The following SIM2 variants were observed in gnomAD, a reference collection of about 807,000 sequenced individuals.
SIM2 encodes single-minded homolog 2.
Under a neutral mutation model 64.8 loss-of-function variants are expected in SIM2, and 28 were observed. The ratio of observed to expected loss-of-function variants is 0.43; its 90% CI spans 0.32 to 0.59. The LOEUF (loss-of-function observed/expected upper bound fraction) is 0.59. Among genes scored for constraint, SIM2 ranks in the 20% least tolerant of loss-of-function variants. The pLI, the probability that SIM2 is intolerant of heterozygous loss-of-function variation, is 0.07. For synonymous variants in SIM2, 408 were observed against 391.1 expected (o/e 1.04, Z -0.51); for missense variants, 847 against 871.4 (o/e 0.97, Z 0.35).
chr21:36,744,450 GAGAAAGAAGGAAAAAGAGAA>G (rs933524819), intron 9 of SIM2, among the ~76,000 whole-genome samples: 8 of 141,948 alleles, frequency 5.6e-5, no homozygotes, highest in Non-Finnish European at 9.2e-5. Flanking sequence ...AAGAAAGAAA[GAGAAAGAAGGAAAAAGAGAA>G]AGAAAGAAAG....
rs1350052334 is a variant in SIM2, at chr21:36,745,833, C to T, written c.1576+697C>T. On this transcript the variant is annotated intron_variant, in intron 10 of 10. Transcript: ENST00000290399. The surrounding 1 kb of genome is among the most constrained non-coding windows in gnomAD (Gnocchi z 4.8). ...CTCTGCGGAGATACCGCCAGCTCCC[C>T]AGGACGCAGACTGACTCCTGTTTGC... is the stretch of plus-strand genomic sequence containing the variant. 3.1e-6 allele frequency: 4 copies of T among 1,304,040 alleles called. No homozygotes were observed. The highest frequency in any genetic ancestry group is 4.0e-6 in the Non-Finnish European group (4 of 988,804). The allele number at this position is 1,304,040 out of a possible 1,614,324, so 80.8% of individuals were successfully genotyped here.
In SIM2 at chr21:36,745,197, G is replaced by A; in HGVS notation, c.1576+61G>A. ...CTGCGCACGGCCGGGAGCCGAAGCAGCCATGGCGGTGGGTGGCAGATGGAG... is the reference window on the plus strand; with the variant it reads ...CTGCGCACGGCCGGGAGCCGAAGCAACCATGGCGGTGGGTGGCAGATGGAG... On this transcript the variant is annotated intron_variant, in intron 10 of 10. Transcript: ENST00000290399. The surrounding 1 kb of genome is among the most constrained non-coding windows in gnomAD (Gnocchi z 4.8). The A allele has an allele frequency of 1.9e-6, 3 of 1,543,452 alleles. No individual in the cohort carries two copies. Among genetic ancestry groups the A allele is most frequent in the East Asian group, 4.8e-5 (2 of 41,832 alleles).
At chr21:36,732,998 C>T (rs1269236144) in intron 7 of SIM2, among the ~76,000 whole-genome samples, 1 of 152,108 alleles carries the variant, frequency 6.6e-6, no homozygotes, top group African/African-American at 2.4e-5. Flanking sequence ...GGGCTCATAC[C>T]TCCACACGCT....
chr21:36,710,293 G>C lies in SIM2; in HGVS notation c.258+1043G>C, dbSNP rs562828575. ...CGGGCTCTTGCTTGGTTTGGAGCCA[G>C]GTGCTTAGCGCCCCGAGCCCGGGGC... On this transcript the variant is annotated intron_variant, in intron 2 of 10. Transcript: ENST00000290399. The C allele has an allele frequency of 2.6e-5, 4 of 152,356 alleles. No individual in the cohort carries two copies. In the South Asian group the frequency reaches 8.3e-4, roughly 32 times the overall value. 9.4% of individuals were successfully genotyped at this position (152,356 alleles called of 1,614,324 possible). A position where few individuals can be genotyped will look rare whatever the true frequency, so the allele number is the denominator to read the frequency against.
intron 9 of SIM2, 116 bp downstream of exon 9, chr21:36,743,671 T>C: frequency 9.8e-7 from 1 of 1,018,400 alleles, no homozygotes; most frequent in Non-Finnish European, 1.4e-6. Flanking sequence ...CTCCCTGCCG[T>C]GGAGCAAGGT....
chr21:36,702,823 T>G (rs950619032), intron 1 of SIM2, among the ~76,000 whole-genome samples: 3 of 151,426 alleles, frequency 2.0e-5, no homozygotes, highest in Non-Finnish European at 4.4e-5. Context: ...CGCCTCGGGC[T>G]CTCAGCTGCA....
intron 3 of SIM2, among the ~76,000 whole-genome samples, chr21:36,713,946 C>T (rs948494802): frequency 2.0e-5 from 3 of 152,222 alleles, no homozygotes; most frequent in Admixed American, 6.5e-5. Context: ...TTTACTAAGG[C>T]TTGGCACTTG....
Position 36,745,097 on chromosome 21 carries a change from G to A in SIM2, c.1537G>A (p.Ala513Thr), listed in dbSNP as rs776261523. Reference protein sequence around the residue: ...SPAKNPPEPPANTARHSLVPS... With the variant: ...SPAKNPPEPPTNTARHSLVPS... ...AGCTAAAAATCCTCCAGAGCCACCGGCGAACACTGCTAGGCACAGCCTGGT... is the reference window on the plus strand; with the variant it reads ...AGCTAAAAATCCTCCAGAGCCACCGACGAACACTGCTAGGCACAGCCTGGT... Residue 513 changes from alanine (A) to threonine (T), a missense_variant, in exon 10 of 11, where the codon GCG becomes ACG. Transcript: ENST00000290399. The surrounding 1 kb of genome is among the most constrained non-coding windows in gnomAD (Gnocchi z 4.8). 6.2e-7 allele frequency: 1 copy of A among 1,612,676 alleles called. No homozygotes were observed. The highest frequency in any genetic ancestry group is 1.1e-5 in the South Asian group (1 of 90,906).
intron 1 of SIM2, among the ~76,000 whole-genome samples, chr21:36,700,481 GCTTT>G (rs928997511): frequency 2.4e-4 from 37 of 151,086 alleles, no homozygotes; most frequent in African/African-American, 7.3e-4. Flanking sequence ...CTCTGGTTTT[GCTTT>G]CTTTCTTTCC....
chr21:36,709,685 G>C (rs1273010130), intron 2 of SIM2: 1 of 345,742 alleles, frequency 2.9e-6, no homozygotes, highest in African/African-American at 2.2e-5. Context: ...GCGCAAGGAC[G>C]GAGAGACAGC....
intron 7 of SIM2, among the ~76,000 whole-genome samples, chr21:36,738,965 C>T (rs565410336): frequency 2.6e-5 from 4 of 152,326 alleles, no homozygotes; most frequent in African/African-American, 9.6e-5. Flanking sequence ...GCCTCATGTC[C>T]CCAGGTTCAT....
intron 9 of SIM2, among the ~76,000 whole-genome samples, chr21:36,743,822 G>A (rs1461586593): frequency 1.3e-5 from 2 of 152,204 alleles, no homozygotes; most frequent in East Asian, 3.8e-4. Context: ...GATTCTAATG[G>A]GCTTGACGGG....
chr21:36,728,146 C>T (rs2088917499), intron 6 of SIM2, among the ~76,000 whole-genome samples: 1 of 152,228 alleles, frequency 6.6e-6, no homozygotes, highest in Non-Finnish European at 1.5e-5. Flanking sequence ...CCTCTGCTCC[C>T]TCTTTTCTGA....
intron 7 of SIM2, among the ~76,000 whole-genome samples, chr21:36,740,049 AAGAAAGAAAG>A (rs1404589114): frequency 7.0e-5 from 10 of 143,572 alleles, no homozygotes; most frequent in African/African-American, 2.5e-4. Flanking sequence ...GAAAGAAAGA[AAGAAAGAAAG>A]AGAAAATGCC....
intron 1 of SIM2, among the ~76,000 whole-genome samples, chr21:36,707,994 G>C (rs1453713326): frequency 1.3e-5 from 2 of 152,238 alleles, no homozygotes; most frequent in Admixed American, 6.5e-5. Context: ...GGCGGGGGAC[G>C]CGCCAGCAGC....
Position 36,745,574 on chromosome 21 carries a change from T to A in SIM2, c.1576+438T>A. 2 of 1,110,388 alleles carry A rather than the reference T, an allele frequency of 1.8e-6. No homozygotes were observed. Among genetic ancestry groups the A allele is most frequent in the Non-Finnish European group, 2.2e-6 (2 of 898,464 alleles). The allele number at this position is 1,110,388 out of a possible 1,614,324, so 68.8% of individuals were successfully genotyped here. On this transcript the variant is annotated intron_variant, in intron 10 of 10. Coordinates refer to ENST00000290399, the MANE Select transcript of SIM2 (RefSeq NM_005069.6). This position sits in a 1 kb window ranked among gnomAD's most constrained non-coding sequence, Gnocchi z 4.8. ...TATTTTCCCATGCCAGTTTTGGAAG[T>A]GGGGAAAACTATGGTGGAAATTTGT...
At chr21:36,708,390 T>G (rs2088619313) in intron 1 of SIM2, among the ~76,000 whole-genome samples, 1 of 152,080 alleles carries the variant, frequency 6.6e-6, no homozygotes, top group South Asian at 2.1e-4. Context: ...GTTGGTAGCT[T>G]TTGCGGAGGT....
chr21:36,733,851 A>G (rs1047847055), intron 7 of SIM2, among the ~76,000 whole-genome samples: 15 of 151,980 alleles, frequency 9.9e-5, no homozygotes, highest in African/African-American at 2.9e-4. Flanking sequence ...GTGAGCCACC[A>G]TGCCCGGCCC....
chr21:36,707,692 G>A (rs2088605327), intron 1 of SIM2, among the ~76,000 whole-genome samples: 1 of 151,962 alleles, frequency 6.6e-6, no homozygotes, highest in Non-Finnish European at 1.5e-5. Flanking sequence ...AGAGGTCGAG[G>A]CCTCCAGAGA....
Sources: gnomAD v4.1 joint callset for allele counts (sites outside exome capture counted in the v4.1 genomes callset) on GRCh38, gnomAD v4.1.1 for gene constraint, Gnocchi (gnomAD v3.1) non-coding constraint, MANE v1.5 for transcripts, NCBI Gene and HGNC (gene_info 2026-07-23, HGNC 2026-07-21) for gene names.